Variants in CAMTA1 observed in about 807,000 individuals in gnomAD.
CAMTA1 encodes calmodulin-binding transcription activator 1.
A neutral mutation model predicts 170.9 loss-of-function variants in CAMTA1; 27 were observed. That is an observed-to-expected ratio of 0.16 (90% CI 0.12 to 0.22). CAMTA1 has a LOEUF of 0.22. Among genes scored for constraint, CAMTA1 ranks in the 10% least tolerant of loss-of-function variants. CAMTA1 has a pLI of 1.00. For synonymous variants in CAMTA1, 833 were observed against 891.5 expected (o/e 0.93, Z 1.17); for missense variants, 1,619 against 2,217.2 (o/e 0.73, Z 5.42).
At chr1:7,478,549 G>A (rs1288125235) in intron 6 of CAMTA1, among the ~76,000 whole-genome samples, 1 of 152,252 alleles carries the variant, frequency 6.6e-6, no homozygotes, top group East Asian at 1.9e-4. Flanking sequence ...CAGTTCCTTA[G>A]AGATGGAAAT....
rs934149011 is a variant in CAMTA1, at chr1:7,443,023, C to T, written c.439-24807C>T. On this transcript the variant is annotated intron_variant, in intron 5 of 22. Coordinates refer to ENST00000303635, the MANE Select transcript of CAMTA1 (RefSeq NM_015215.4). This position sits in a 1 kb window ranked among gnomAD's most constrained non-coding sequence, Gnocchi z 4.1. ...CCATCCCTGTCTTTGAACACTTCTT[C>T]CTGCCTGTGGTCTCTCCTTGCCCCT... Among the ~76,000 whole-genome samples, 5 of 151,610 alleles carry T rather than the reference C, an allele frequency of 3.3e-5. No individual in the cohort carries two copies. Among genetic ancestry groups the T allele is most frequent in the Non-Finnish European group, 1.5e-5 (1 of 67,708 alleles).
intron 3 of CAMTA1, among the ~76,000 whole-genome samples, chr1:6,977,187 G>A (rs555113053): frequency 8.5e-4 from 129 of 152,270 alleles, no homozygotes; most frequent in African/African-American, 2.8e-3. Flanking sequence ...TGCAACCTGC[G>A]GAGGACATCG....
At chr1:7,454,011 G>A (rs1044345933) in intron 5 of CAMTA1, among the ~76,000 whole-genome samples, 6 of 152,234 alleles carry the variant, frequency 3.9e-5, no homozygotes, top group Non-Finnish European at 7.3e-5. Context: ...AACCAGGGAG[G>A]ATCTGACATT....
chr1:7,339,029 T>C (rs1557545631), intron 5 of CAMTA1, among the ~76,000 whole-genome samples: 2 of 152,108 alleles, frequency 1.3e-5, no homozygotes, highest in Non-Finnish European at 2.9e-5. Flanking sequence ...AACAACTGGA[T>C]GTGGTGAGAA....
At chr1:7,459,748 G>A (rs2093039317) in intron 5 of CAMTA1, among the ~76,000 whole-genome samples, 1 of 152,204 alleles carries the variant, frequency 6.6e-6, no homozygotes, top group South Asian at 2.1e-4. Flanking sequence ...CCCCAAATCT[G>A]GAAGAGAGAG....
At chr1:7,111,542 G>A in intron 4 of CAMTA1, among the ~76,000 whole-genome samples, 1 of 152,196 alleles carries the variant, frequency 6.6e-6, no homozygotes, top group East Asian at 1.9e-4. Flanking sequence ...TTGGACACAT[G>A]ACGGCTGATG....
chr1:7,665,515 AC>A lies in CAMTA1; in HGVS notation c.2652+318del, dbSNP rs2095993432. ...GATCATCTGAGCCAAGGAGTTCCAA[AC>A]CAACCTGGGCAACGTAGTGAGAACT... On this transcript the variant is annotated intron_variant, in intron 9 of 22. Coordinates refer to ENST00000303635, the MANE Select transcript of CAMTA1 (RefSeq NM_015215.4). The surrounding 1 kb of genome is among the most constrained non-coding windows in gnomAD (Gnocchi z 4.3). Among the ~76,000 whole-genome samples the A allele has an allele frequency of 6.6e-6, 1 of 151,990 alleles. No homozygotes were observed. The highest frequency in any genetic ancestry group is 1.5e-5 in the Non-Finnish European group (1 of 67,990).
chr1:7,607,764 C>T (rs1479639693), intron 6 of CAMTA1, among the ~76,000 whole-genome samples: 2 of 152,188 alleles, frequency 1.3e-5, no homozygotes, highest in African/African-American at 4.8e-5. Flanking sequence ...CTTTGAAAGA[C>T]TGTCACATCT....
At position 7,463,609 on chromosome 1, in the gene CAMTA1, AG is replaced by A. The variant is rs1255254981; in HGVS notation, c.439-4218del. ...GATAGAGACGGAAGAAGAGAGACCA[AG>A]GGACAGAGACACAGAGAGGCAAGGA... On this transcript the variant is annotated intron_variant, in intron 5 of 22. Coordinates refer to ENST00000303635, the MANE Select transcript of CAMTA1 (RefSeq NM_015215.4). This position sits in a 1 kb window ranked among gnomAD's most constrained non-coding sequence, Gnocchi z 4.7. Among the ~76,000 whole-genome samples, 2 of 152,196 alleles carry A rather than the reference AG, an allele frequency of 1.3e-5. No homozygotes were observed. The highest frequency in any genetic ancestry group is 2.4e-5 in the African/African-American group (1 of 41,438).
chr1:7,204,814 T>C (rs1259226885), intron 4 of CAMTA1, among the ~76,000 whole-genome samples: 1 of 135,244 alleles, frequency 7.4e-6, no homozygotes, highest in Non-Finnish European at 1.5e-5. Context: ...AGTTTCTTTT[T>C]TTTTTTTCTT....
chr1:7,710,957 T>A (rs1290907995), intron 11 of CAMTA1, among the ~76,000 whole-genome samples: 1 of 152,186 alleles, frequency 6.6e-6, no homozygotes, highest in Non-Finnish European at 1.5e-5. Context: ...CTCTCATTCA[T>A]AAGGCCTGGC....
chr1:6,854,529 A>G (rs1390955556), intron 3 of CAMTA1, among the ~76,000 whole-genome samples: 1 of 152,242 alleles, frequency 6.6e-6, no homozygotes, highest in Non-Finnish European at 1.5e-5. Flanking sequence ...ATACATTCAA[A>G]ATGAAATATG....
chr1:7,502,212 C>G (rs1253401191), intron 6 of CAMTA1, among the ~76,000 whole-genome samples: 1 of 152,216 alleles, frequency 6.6e-6, no homozygotes, highest in African/African-American at 2.4e-5. Flanking sequence ...TCTGGAGGTC[C>G]AGTTCTCCAC....
intron 5 of CAMTA1, among the ~76,000 whole-genome samples, chr1:7,367,844 GCCCTGGGCACT>G (rs2086100261): frequency 6.7e-6 from 1 of 148,876 alleles, no homozygotes; most frequent in African/African-American, 2.5e-5. Context: ...CTGGGCACAG[GCCCTGGGCACT>G]CATGGTTTCG....
intron 5 of CAMTA1, among the ~76,000 whole-genome samples, chr1:7,317,064 G>T (rs1386700909): frequency 1.3e-5 from 2 of 152,188 alleles, no homozygotes; most frequent in African/African-American, 4.8e-5. Context: ...GAACTGGATG[G>T]ACAGGAACCT....
At chr1:6,910,270 G>C (rs1364013256) in intron 3 of CAMTA1, among the ~76,000 whole-genome samples, 1 of 152,202 alleles carries the variant, frequency 6.6e-6, no homozygotes, top group Non-Finnish European at 1.5e-5. Flanking sequence ...AAGCCTTCAT[G>C]GGCTTGATCT....
At chr1:6,854,992 A>C (rs996965823) in intron 3 of CAMTA1, among the ~76,000 whole-genome samples, 1 of 152,208 alleles carries the variant, frequency 6.6e-6, no homozygotes, top group African/African-American at 2.4e-5. Context: ...TTATTATTTT[A>C]CTGGAAGTCC....
At chr1:7,699,358 C>T (rs1558154830) in intron 11 of CAMTA1, among the ~76,000 whole-genome samples, 1 of 152,138 alleles carries the variant, frequency 6.6e-6, no homozygotes, top group Non-Finnish European at 1.5e-5. Context: ...CTAATCTGGA[C>T]ATTTTCTATA....
intron 4 of CAMTA1, among the ~76,000 whole-genome samples, chr1:7,188,101 T>C (rs747498306): frequency 6.6e-6 from 1 of 151,964 alleles, no homozygotes; most frequent in Non-Finnish European, 1.5e-5. Flanking sequence ...ACCAAACACA[T>C]AAAACCATCA....
Sources: allele counts gnomAD v4.1 joint callset (sites outside exome capture counted in the v4.1 genomes callset), GRCh38; gene constraint gnomAD v4.1.1; non-coding constraint Gnocchi (gnomAD v3.1); transcripts MANE v1.5; gene names NCBI Gene and HGNC (gene_info 2026-07-23, HGNC 2026-07-21).